The following PEAK1 variants were observed in gnomAD, a reference collection of about 807,000 sequenced individuals.
The protein encoded by PEAK1 is pseudopodium enriched atypical kinase 1.
Under a neutral mutation model 124.7 loss-of-function variants are expected in PEAK1, and 54 were observed. That is an observed-to-expected ratio of 0.43 (90% CI 0.35 to 0.54). The LOEUF (loss-of-function observed/expected upper bound fraction) is 0.54, where lower values mean the gene tolerates loss of function less well. PEAK1 is among the 20% of genes least tolerant of loss of function. PEAK1 has a pLI of 0.01. For synonymous variants in PEAK1, 719 were observed against 760.0 expected (o/e 0.95, Z 0.89); for missense variants, 2,046 against 2,134.5 (o/e 0.96, Z 0.82).
rs752711246 is a variant in PEAK1, at chr15:77,179,750, G to C, written c.2177C>G (p.Ser726Cys). ...GQSSPQRSYS[S>C]SHSSPAKIQR... ...GATCTTTGCTGGGGAGCTGTGGCTG[G>C]AACTATAGCTTCTCTGTGGTGAAGA... The change falls in exon 7 of 10, where the codon TCC becomes TGC. Residue 726 changes from serine to cysteine, a missense_variant. By Grantham distance (112) the Ser-to-Cys change is moderately radical (BLOSUM62 -1). Coordinates refer to ENST00000682557, the MANE Select transcript of PEAK1 (RefSeq NM_001385026.1). The C allele has an allele frequency of 1.9e-6, 3 of 1,614,088 alleles. No individual in the cohort carries two copies. Among genetic ancestry groups the C allele is most frequent in the East Asian group, 4.5e-5 (2 of 44,882 alleles).
chr15:77,256,009 G>GA (rs1291856546), intron 5 of PEAK1, among the ~76,000 whole-genome samples: 2 of 151,974 alleles, frequency 1.3e-5, no homozygotes, highest in South Asian at 2.1e-4. Context: ...GAACTAAGAG[G>GA]AAAAAAATCC....
At chr15:77,225,127 T>C (rs2059572003) in intron 6 of PEAK1, among the ~76,000 whole-genome samples, 1 of 152,092 alleles carries the variant, frequency 6.6e-6, no homozygotes, top group Non-Finnish European at 1.5e-5. Flanking sequence ...TCAATGGTTA[T>C]TTTGCAGAGA....
chr15:77,294,020 T>C (rs571040903), intron 2 of PEAK1, among the ~76,000 whole-genome samples: 1 of 152,198 alleles, frequency 6.6e-6, no homozygotes, highest in African/African-American at 2.4e-5. Flanking sequence ...AAGCATTACC[T>C]CTGCATTCAT....
chr15:77,215,964 C>T (rs935324257), intron 6 of PEAK1, among the ~76,000 whole-genome samples: 4 of 152,050 alleles, frequency 2.6e-5, no homozygotes, highest in Non-Finnish European at 4.4e-5. Flanking sequence ...ATTACTACAG[C>T]TTTACAGTAA....
At position 77,401,662 on chromosome 15, in the gene PEAK1, T is replaced by G. The variant is rs548109776; in HGVS notation, c.-666+18344A>C. ...TTATTCATTAGAACTTCAATGGACA[T>G]TGCCACGAAAGAACTCAAAATTAAC... On this transcript the variant is annotated intron_variant, in intron 1 of 9. Transcript: ENST00000682557. 7.2e-5 allele frequency: 71 copies of G among 985,110 alleles called. 1 individual carries two copies. In the South Asian group the frequency reaches 2.8e-3, roughly 38 times the overall value. The allele number at this position is 985,110 out of a possible 1,614,324, so 61.0% of individuals were successfully genotyped here.
chr15:77,263,541 C>G (rs1005436654), intron 5 of PEAK1, among the ~76,000 whole-genome samples: 1 of 152,088 alleles, frequency 6.6e-6, no homozygotes, highest in Non-Finnish European at 1.5e-5. Context: ...TACACCCTCC[C>G]AAGACTAAAC....
chr15:77,356,815 T>C (rs891265670), intron 2 of PEAK1, among the ~76,000 whole-genome samples: 1 of 152,228 alleles, frequency 6.6e-6, no homozygotes, highest in Admixed American at 6.5e-5. Context: ...AATTTATTTA[T>C]TCAACATGAC....
Position 77,181,877 on chromosome 15 carries a change from C to A in PEAK1, c.50G>T (p.Cys17Phe), listed in dbSNP as rs767736515. 1.8e-5 allele frequency: 29 copies of A among 1,603,644 alleles called. No individual in the cohort carries two copies. Among genetic ancestry groups the A allele is most frequent in the Non-Finnish European group, 2.5e-5 (29 of 1,173,554 alleles). ...ACTTTTAGGTTTAAAGCAATTCTTG[C>A]ATTCACCAGGTTTCCAAACATGTTC... is the stretch of plus-strand genomic sequence containing the variant. Reference protein sequence around the residue: ...FTEHVWKPGECKNCFKPKSLH... With the variant: ...FTEHVWKPGEFKNCFKPKSLH... The change falls in exon 7 of 10, where the codon TGC (cysteine) becomes TTC (phenylalanine). Residue 17 changes from cysteine (C) to phenylalanine (F), a missense_variant. Cys to Phe is a radical substitution (Grantham distance 205). Transcript: ENST00000682557.
At chr15:77,151,191 T>A (rs1456741269) in intron 8 of PEAK1, among the ~76,000 whole-genome samples, 1 of 151,844 alleles carries the variant, frequency 6.6e-6, no homozygotes, top group Non-Finnish European at 1.5e-5. Flanking sequence ...CCTGACTTTT[T>A]AATGATCACC....
chr15:77,133,719 C>G lies in PEAK1; in HGVS notation c.3363G>C (p.Lys1121Asn). Residue 1121 changes from lysine (K) to asparagine (N), a missense_variant, in exon 9 of 10, where the codon AAG (lysine) becomes AAC (asparagine). Physicochemically the swap from Lys to Asn is moderately conservative, Grantham distance 94. Transcript: ENST00000682557. This position sits in a 1 kb window ranked among gnomAD's most constrained non-coding sequence, Gnocchi z 4.2. Reference sequence around the variant, plus strand: ...CAGCTCCCTTGGGCTGTCGTGGCTGCTTGGGAGGTATCATGGCTGCTCTAG... The same window carrying G: ...CAGCTCCCTTGGGCTGTCGTGGCTGGTTGGGAGGTATCATGGCTGCTCTAG... ...GQSRAAMIPP[K>N]QPRQPKGAVD... 1 of 1,610,240 alleles carries G rather than the reference C, an allele frequency of 6.2e-7. No individual in the cohort carries two copies. Among genetic ancestry groups the G allele is most frequent in the Non-Finnish European group, 8.5e-7 (1 of 1,178,358 alleles).
intron 9 of PEAK1, among the ~76,000 whole-genome samples, chr15:77,128,492 C>T (rs1432353367): frequency 1.3e-5 from 2 of 152,174 alleles, no homozygotes. Flanking sequence ...CTAGGATAAC[C>T]ATGACCAGTG....
At chr15:77,294,304 T>G (rs1016864363) in intron 2 of PEAK1, among the ~76,000 whole-genome samples, 2 of 152,202 alleles carry the variant, frequency 1.3e-5, no homozygotes, top group Non-Finnish European at 2.9e-5. Flanking sequence ...AGAAGAACTC[T>G]GCTTTTATAA....
chr15:77,205,281 A>ATTTTTT (rs2058585134), intron 6 of PEAK1, among the ~76,000 whole-genome samples: 2 of 151,736 alleles, frequency 1.3e-5, no homozygotes, highest in Non-Finnish European at 2.9e-5. Context: ...TTTTTAAAAA[A>ATTTTTT]AAAAAAAAAG....
intron 2 of PEAK1, among the ~76,000 whole-genome samples, chr15:77,340,999 G>A (rs2066494588): frequency 6.6e-6 from 1 of 150,948 alleles, no homozygotes; most frequent in Non-Finnish European, 1.5e-5. Flanking sequence ...TCACCAGGCT[G>A]GACTGTGGTG....
At chr15:77,403,952 T>C (rs114841376) in intron 1 of PEAK1, 3 of 967,804 alleles carry the variant, frequency 3.1e-6, no homozygotes, top group Non-Finnish European at 1.2e-6. Flanking sequence ...GTTTGTTGCA[T>C]GGGTAAACTG....
At chr15:77,288,341 T>C (rs1250967576) in intron 2 of PEAK1, among the ~76,000 whole-genome samples, 1 of 152,206 alleles carries the variant, frequency 6.6e-6, no homozygotes, top group Non-Finnish European at 1.5e-5. Context: ...AGTATATCTT[T>C]ACCTACCTTC....
At chr15:77,215,065 G>A (rs557754216) in intron 6 of PEAK1, among the ~76,000 whole-genome samples, 1 of 152,214 alleles carries the variant, frequency 6.6e-6, no homozygotes, top group South Asian at 2.1e-4. Flanking sequence ...ATTCCCACTT[G>A]CGATATATGA....
chr15:77,201,232 C>CTTTTTTTTTTT (rs11363810), intron 6 of PEAK1, among the ~76,000 whole-genome samples: 1 of 77,262 alleles, frequency 1.3e-5, no homozygotes, highest in Non-Finnish European at 2.4e-5. Flanking sequence ...GCCTTTGTGT[C>CTTTTTTTTTTT]TTTTTTTTTT....
At chr15:77,322,865 A>G (rs552086682) in intron 2 of PEAK1, among the ~76,000 whole-genome samples, 4 of 152,358 alleles carry the variant, frequency 2.6e-5, no homozygotes, top group African/African-American at 9.6e-5. Flanking sequence ...CCTGATGAAC[A>G]TCGATGCAAA....
Sources: allele counts gnomAD v4.1 joint callset (sites outside exome capture counted in the v4.1 genomes callset), GRCh38; gene constraint gnomAD v4.1.1; non-coding constraint Gnocchi (gnomAD v3.1); transcripts MANE v1.5; gene names NCBI Gene and HGNC (gene_info 2026-07-23, HGNC 2026-07-21).